Variants in TMPRSS11A observed in about 807,000 individuals in gnomAD.
TMPRSS11A encodes the protein transmembrane protease serine 11A.
Under a neutral mutation model 58.9 loss-of-function variants are expected in TMPRSS11A, and 53 were observed. The ratio of observed to expected loss-of-function variants is 0.90; its 90% CI spans 0.72 to 1.13. TMPRSS11A has a LOEUF of 1.13. Among genes scored for constraint, TMPRSS11A ranks in the 50% most tolerant of loss-of-function variants. The pLI, the probability that TMPRSS11A is intolerant of heterozygous loss-of-function variation, is 0.00. For synonymous variants in TMPRSS11A, 167 were observed against 169.8 expected, an observed-to-expected ratio of 0.98 and a Z score of 0.13; for missense variants, 493 against 499.3, an observed-to-expected ratio of 0.99 and a Z score of 0.12.
intron 1 of TMPRSS11A, among the ~76,000 whole-genome samples, chr4:67,958,735 G>C (rs776027722): frequency 7.2e-5 from 11 of 152,084 alleles, no homozygotes; most frequent in Non-Finnish European, 1.3e-4. Context: ...ATGAGATTTG[G>C]GTGGGGCCAG....
rs867274250 is a variant in TMPRSS11A, at chr4:67,944,564, G to A, written c.207C>T (p.Ser69=). 1 of 1,613,028 alleles carries A rather than the reference G, an allele frequency of 6.2e-7. No individual in the cohort carries two copies. Among genetic ancestry groups the A allele is most frequent in the Non-Finnish European group, 8.5e-7 (1 of 1,179,178 alleles). ...DPQINNNFGQ[S]NTYQLKDLRE... ...GTAAGTCCTTAAGTTGATATGTGTT[G>A]CTTTGTCCGAAATTGTTATTGATTT... The change falls in exon 3 of 10, where the codon AGC becomes AGT. Residue 69 remains serine (S), a synonymous_variant. Coordinates refer to ENST00000508048, the MANE Select transcript of TMPRSS11A (RefSeq NM_001114387.2).
At chr4:67,941,582 C>T (rs1720880379) in intron 3 of TMPRSS11A, among the ~76,000 whole-genome samples, 1 of 152,150 alleles carries the variant, frequency 6.6e-6, no homozygotes. Context: ...TCCTTTTCTG[C>T]AAGACCCAGG....
intron 1 of TMPRSS11A, among the ~76,000 whole-genome samples, chr4:67,954,354 T>G (rs912951194): frequency 6.6e-6 from 1 of 152,206 alleles, no homozygotes; most frequent in Non-Finnish European, 1.5e-5. Flanking sequence ...CCACAGATAC[T>G]CACTGTTGAT....
intron 1 of TMPRSS11A, among the ~76,000 whole-genome samples, chr4:67,961,313 C>T (rs748212444): frequency 3.2e-4 from 49 of 152,198 alleles, no homozygotes; most frequent in Non-Finnish European, 5.4e-4. Context: ...TCTGCTTTGC[C>T]TCAATCCTTA....
intron 7 of TMPRSS11A, among the ~76,000 whole-genome samples, chr4:67,921,639 A>G (rs1231628032): frequency 6.6e-6 from 1 of 152,216 alleles, no homozygotes; most frequent in Non-Finnish European, 1.5e-5. Flanking sequence ...TCTTTGGAAT[A>G]TTAAGAGTCT....
chr4:67,939,634 T>A (rs1434702617), intron 3 of TMPRSS11A, among the ~76,000 whole-genome samples: 1 of 152,134 alleles, frequency 6.6e-6, no homozygotes, highest in Non-Finnish European at 1.5e-5. Flanking sequence ...GATGTTTAAT[T>A]TTATCAAAAG....
At chr4:67,956,094 A>ATG (rs1490555366) in intron 1 of TMPRSS11A, among the ~76,000 whole-genome samples, 1 of 152,180 alleles carries the variant, frequency 6.6e-6, no homozygotes, top group African/African-American at 2.4e-5. Context: ...TAAATTGGTG[A>ATG]TAATAAATAC....
chr4:67,950,183 C>T (rs1423436141), intron 1 of TMPRSS11A, among the ~76,000 whole-genome samples: 1 of 152,164 alleles, frequency 6.6e-6, no homozygotes, highest in African/African-American at 2.4e-5. Flanking sequence ...GAAATCAAGG[C>T]TTTGATTGGG....
intron 3 of TMPRSS11A, among the ~76,000 whole-genome samples, chr4:67,943,692 T>C (rs2109760170): frequency 6.6e-6 from 1 of 152,218 alleles, no homozygotes; most frequent in South Asian, 2.1e-4. Flanking sequence ...TAATGTTAAC[T>C]GAAAATAGAG....
chr4:67,921,415 C>A (rs1443249813), intron 7 of TMPRSS11A, among the ~76,000 whole-genome samples: 1 of 152,050 alleles, frequency 6.6e-6, no homozygotes, highest in Non-Finnish European at 1.5e-5. Flanking sequence ...CTTGCAGGAG[C>A]CTCAAACTCC....
At chr4:67,925,933 T>C (rs941231554) in intron 5 of TMPRSS11A, among the ~76,000 whole-genome samples, 1 of 152,210 alleles carries the variant, frequency 6.6e-6, no homozygotes, top group African/African-American at 2.4e-5. Context: ...TAACTAGTTG[T>C]TAAAGATTTC....
At chr4:67,956,996 T>C (rs1168102036) in intron 1 of TMPRSS11A, among the ~76,000 whole-genome samples, 1 of 152,174 alleles carries the variant, frequency 6.6e-6, no homozygotes, top group Non-Finnish European at 1.5e-5. Flanking sequence ...GATGGTTTTA[T>C]GAGGGGGAGT....
At chr4:67,931,045 T>C (rs751255769) in intron 4 of TMPRSS11A, among the ~76,000 whole-genome samples, 8 of 152,214 alleles carry the variant, frequency 5.3e-5, no homozygotes, top group Admixed American at 1.3e-4. Context: ...TATTATATAG[T>C]GATGGCTACC....
At chr4:67,926,830 G>T (rs752030776) in intron 5 of TMPRSS11A, among the ~76,000 whole-genome samples, 4 of 152,118 alleles carry the variant, frequency 2.6e-5, no homozygotes, top group Non-Finnish European at 5.9e-5. Flanking sequence ...AGGCAGCATT[G>T]GACCCTTGCA....
intron 1 of TMPRSS11A, among the ~76,000 whole-genome samples, chr4:67,962,339 C>T (rs1054752863): frequency 6.6e-6 from 1 of 151,966 alleles, no homozygotes; most frequent in African/African-American, 2.4e-5. Flanking sequence ...AACTTAGTGG[C>T]CAATCTCGTA....
intron 1 of TMPRSS11A, among the ~76,000 whole-genome samples, chr4:67,950,314 T>C (rs115592468): frequency 0.061 from 9,238 of 152,288 alleles, 362 homozygotes; most frequent in Middle Eastern, 0.15. Context: ...GTCAGAGGCC[T>C]CTCTCAGCTC....
intron 4 of TMPRSS11A, among the ~76,000 whole-genome samples, chr4:67,930,829 T>TTTTATAA (rs1265700805): frequency 1.1e-5 from 1 of 90,156 alleles, no homozygotes; most frequent in Non-Finnish European, 2.1e-5. Context: ...TTTTTTTTTT[T>TTTTATAA]ACAAAAAAAA....
rs556275107 is a variant in TMPRSS11A at position 67,911,117 on chromosome 4, C to T, written c.*225G>A. 4.4e-4 allele frequency: 176 copies of T among 398,610 alleles called. 1 individual carries two copies. Among genetic ancestry groups the T allele is most frequent in the South Asian group, 8.3e-4 (12 of 14,388 alleles). The allele number at this position is 398,610 out of a possible 1,614,324, so 24.7% of individuals were successfully genotyped here. ...GATTTAAAGAGCTAAGTATCTCTAC[C>T]GTATTTTTCAAGCCAGATCCATTAC... On this transcript the variant is annotated 3_prime_UTR_variant, in exon 10 of 10. Transcript: ENST00000508048.
At chr4:67,942,447 C>T (rs1442611609) in intron 3 of TMPRSS11A, among the ~76,000 whole-genome samples, 1 of 152,194 alleles carries the variant, frequency 6.6e-6, no homozygotes. Flanking sequence ...CAGGCTCTCA[C>T]CAGACATCTG....
Sources: gnomAD v4.1 joint callset for allele counts (sites outside exome capture counted in the v4.1 genomes callset) on GRCh38, gnomAD v4.1.1 for gene constraint, MANE v1.5 for transcripts, NCBI Gene and HGNC (gene_info 2026-07-23, HGNC 2026-07-21) for gene names.